CYYR1: variants seen among roughly 807,000 people sequenced by gnomAD.
CYYR1 encodes cysteine and tyrosine-rich protein 1.
Under a neutral mutation model 15.2 loss-of-function variants are expected in CYYR1, and 14 were observed. The ratio of observed to expected loss-of-function variants is 0.92; its 90% confidence interval spans 0.61 to 1.44. The LOEUF (loss-of-function observed/expected upper bound fraction) is 1.44. Among genes scored for constraint, CYYR1 ranks in the 40% most tolerant of loss-of-function variants. CYYR1 has a pLI of 0.00. For synonymous variants in CYYR1, 80 were observed against 77.4 expected, an observed-to-expected ratio of 1.03 and a Z score of -0.18; for missense variants, 228 against 209.5, an observed-to-expected ratio of 1.09 and a Z score of -0.54.
rs190488762 is a variant in CYYR1, at chr21:26,553,541, G to A, written c.176+12725C>T. On this transcript the variant is annotated intron_variant, in intron 2 of 3. Transcript: ENST00000652641. ...TTCATGTCCTGAAGCCTATTTCTAT[G>A]TTTTGGGCTGCGTTTAGTCCAAAGT... 3.1e-3 allele frequency among the ~76,000 whole-genome samples: 477 copies of A among 152,250 alleles called. 2 individuals are homozygous for A. The highest frequency in any genetic ancestry group is 5.4e-3 in the Non-Finnish European group (364 of 68,012).
rs777214224 is a variant in CYYR1, at chr21:26,474,531, C to T, written c.334+5741G>A. On this transcript the variant is annotated intron_variant, in intron 3 of 3. Coordinates refer to ENST00000652641, the MANE Select transcript of CYYR1 (RefSeq NM_001320768.2). The stretch of plus-strand genomic sequence containing the variant: ...TGGGGTGATCTTATACTACTTTCTA[C>T]TCCTTCTTGTTATCAATATCTGTGG... 1.2e-3 allele frequency among the ~76,000 whole-genome samples: 186 copies of T among 149,966 alleles called. 1 individual carries two copies. The highest frequency in any genetic ancestry group is 3.4e-3 in the Admixed American group (51 of 14,988).
chr21:26,536,043 T>C (rs1488790177), intron 2 of CYYR1, among the ~76,000 whole-genome samples: 1 of 152,104 alleles, frequency 6.6e-6, no homozygotes, highest in African/African-American at 2.4e-5. Flanking sequence ...TTCGAGACGC[T>C]TACAACCATG....
At chr21:26,507,877 T>C (rs2065590689) in intron 2 of CYYR1, among the ~76,000 whole-genome samples, 1 of 151,916 alleles carries the variant, frequency 6.6e-6, no homozygotes, top group Non-Finnish European at 1.5e-5. Flanking sequence ...GGAGCCAGAA[T>C]GGTATTTAGA....
At chr21:26,559,970 A>G (rs1404394200) in intron 2 of CYYR1, among the ~76,000 whole-genome samples, 1 of 152,164 alleles carries the variant, frequency 6.6e-6, no homozygotes, top group Non-Finnish European at 1.5e-5. Context: ...TTCAAATTCA[A>G]CATAAAATGT....
intron 1 of CYYR1, chr21:26,569,109 T>G (rs1980845169): frequency 6.6e-6 from 1 of 152,200 alleles, no homozygotes; most frequent in Non-Finnish European, 1.5e-5. Context: ...AAATAAATCA[T>G]TCTATCAAAA....
intron 2 of CYYR1, among the ~76,000 whole-genome samples, chr21:26,547,956 G>C (rs1979101803): frequency 6.6e-6 from 1 of 151,948 alleles, no homozygotes; most frequent in Admixed American, 6.6e-5. Context: ...GTTCTAAGTG[G>C]TTCATAAGTA....
intron 1 of CYYR1, chr21:26,568,937 T>C (rs1203746673): frequency 6.6e-6 from 1 of 152,208 alleles, no homozygotes; most frequent in Non-Finnish European, 1.5e-5. Flanking sequence ...AAGCAACAGA[T>C]GCTGGTGAGC....
At chr21:26,527,599 A>G (rs1188923808) in intron 2 of CYYR1, among the ~76,000 whole-genome samples, 1 of 152,184 alleles carries the variant, frequency 6.6e-6, no homozygotes, top group Non-Finnish European at 1.5e-5. Context: ...TGGCATGAAT[A>G]TACTCCATTT....
At chr21:26,505,235 A>T (rs1028816913) in intron 2 of CYYR1, among the ~76,000 whole-genome samples, 4 of 152,198 alleles carry the variant, frequency 2.6e-5, no homozygotes, top group African/African-American at 9.6e-5. Context: ...ATGATGCCTC[A>T]TGGTGACCAA....
At chr21:26,520,113 G>GATATATATATATATAT (rs71183558) in intron 2 of CYYR1, among the ~76,000 whole-genome samples, 55 of 120,678 alleles carry the variant, frequency 4.6e-4, no homozygotes, top group South Asian at 1.9e-3. Flanking sequence ...AAACCCAGGA[G>GATATATATATATATAT]ATATATATAT....
In CYYR1 at chr21:26,528,332, C is replaced by T. The variant is rs1464793846; in HGVS notation, c.176+37934G>A. Among the ~76,000 whole-genome samples the T allele has an allele frequency of 6.6e-5, 10 of 152,120 alleles. No homozygotes were observed. In the East Asian group the frequency reaches 1.2e-3, roughly 18 times the overall value. On this transcript the variant is annotated intron_variant, in intron 2 of 3. Transcript: ENST00000652641. ...GTGATCCTTAGTGTTGGAGGTGGGC[C>T]TAGTGAGAGGTGTTTAGGTCATGGA...
intron 2 of CYYR1, among the ~76,000 whole-genome samples, chr21:26,543,578 C>T (rs998460196): frequency 2.6e-5 from 4 of 152,308 alleles, no homozygotes; most frequent in African/African-American, 9.6e-5. Flanking sequence ...ACACAATCAT[C>T]TCTGCTCATG....
intron 2 of CYYR1, among the ~76,000 whole-genome samples, chr21:26,504,224 G>GTATGTATT (rs71329838): frequency 1.3e-5 from 2 of 150,444 alleles, no homozygotes; most frequent in South Asian, 2.1e-4. Flanking sequence ...TCTTTGTGAT[G>GTATGTATT]TATTTATTTA....
intron 2 of CYYR1, among the ~76,000 whole-genome samples, chr21:26,526,454 C>T (rs537516051): frequency 6.6e-6 from 1 of 151,592 alleles, no homozygotes; most frequent in African/African-American, 2.4e-5. Context: ...GCCCCACCCC[C>T]CAACAACAAC....
intron 2 of CYYR1, among the ~76,000 whole-genome samples, chr21:26,522,989 G>A (rs908167190): frequency 1.3e-4 from 20 of 152,208 alleles, no homozygotes; most frequent in African/African-American, 4.8e-4. Context: ...AGGAGGCAAA[G>A]GATCTTGTGC....
At chr21:26,487,111 G>C (rs566847355) in intron 2 of CYYR1, among the ~76,000 whole-genome samples, 16 of 151,950 alleles carry the variant, frequency 1.1e-4, no homozygotes, top group African/African-American at 3.4e-4. Flanking sequence ...CAAAAAGTGG[G>C]GAAAATTCTA....
chr21:26,492,196 A>G (rs143098472), intron 2 of CYYR1, among the ~76,000 whole-genome samples: 94 of 152,348 alleles, frequency 6.2e-4, no homozygotes, highest in African/African-American at 2.2e-3. Context: ...ACACAGCTCC[A>G]AAGAGTTTCT....
At chr21:26,564,915 C>G (rs1013691423) in intron 2 of CYYR1, 10 of 602,020 alleles carry the variant, frequency 1.7e-5, no homozygotes, top group African/African-American at 3.9e-5. Flanking sequence ...TAATATGCCA[C>G]TGTAAACATC....
At chr21:26,476,395 C>A (rs1393481817) in intron 3 of CYYR1, among the ~76,000 whole-genome samples, 1 of 152,090 alleles carries the variant, frequency 6.6e-6, no homozygotes, top group East Asian at 1.9e-4. Context: ...TTAAGACCTG[C>A]GAATATCCTT....
Sources: gnomAD v4.1 joint callset for allele counts (sites outside exome capture counted in the v4.1 genomes callset) on GRCh38, gnomAD v4.1.1 for gene constraint, MANE v1.5 for transcripts, NCBI Gene and HGNC (gene_info 2026-07-23, HGNC 2026-07-21) for gene names.